Variants in AGAP1 observed in about 807,000 individuals in gnomAD.
The protein encoded by AGAP1 is ArfGAP with GTPase domain, ankyrin repeat and PH domain 1, also known as arf-GAP with GTPase, ANK repeat and PH domain-containing protein 1.
Under a neutral mutation model 105.3 loss-of-function variants are expected in AGAP1, and 29 were observed. The ratio of observed to expected loss-of-function variants is 0.28; its 90% confidence interval spans 0.21 to 0.38. AGAP1 has a LOEUF of 0.38. Among genes scored for constraint, AGAP1 ranks in the 10% least tolerant of loss-of-function variants. The pLI, the probability that AGAP1 is intolerant of heterozygous loss-of-function variation, is 1.00. For missense variants in AGAP1, 998 were observed against 1,165.1 expected (o/e 0.86, Z 2.09); for synonymous variants, 509 against 485.9 (o/e 1.05, Z -0.63).
intron 3 of AGAP1, among the ~76,000 whole-genome samples, chr2:235,738,400 G>C (rs530471760): frequency 3.3e-5 from 5 of 152,078 alleles, no homozygotes; most frequent in South Asian, 4.1e-4. Context: ...GTTGAGTTAC[G>C]TGCTGGAGGT....
In AGAP1 at chr2:235,614,825, G is replaced by A. The variant is rs1946256662; in HGVS notation, c.164-94354G>A. 6.6e-6 allele frequency among the ~76,000 whole-genome samples: 1 copy of A among 152,162 alleles called. No homozygotes were observed. On this transcript the variant is annotated intron_variant, in intron 1 of 17. Coordinates refer to ENST00000304032, the MANE Select transcript of AGAP1 (RefSeq NM_001037131.3). The surrounding 1 kb of genome is among the most constrained non-coding windows in gnomAD (Gnocchi z 4.7). ...TTTCCTGTTTTCTTGGCCTCCTAGG[G>A]AATCAGTTTGATTCTGTGGCTATTA... is the stretch of plus-strand genomic sequence containing the variant.
intron 1 of AGAP1, among the ~76,000 whole-genome samples, chr2:235,698,031 G>C (rs919965785): frequency 2.6e-5 from 4 of 152,162 alleles, no homozygotes; most frequent in Non-Finnish European, 4.4e-5. Context: ...GTGGAAGACA[G>C]TTTTTCCAGG....
chr2:235,677,102 C>T (rs935974652), intron 1 of AGAP1, among the ~76,000 whole-genome samples: 3 of 152,194 alleles, frequency 2.0e-5, no homozygotes, highest in Admixed American at 6.5e-5. Flanking sequence ...CTTGCATTCA[C>T]GTTTGCTAGT....
intron 6 of AGAP1, among the ~76,000 whole-genome samples, chr2:235,771,300 G>A (rs1278646599): frequency 1.3e-5 from 2 of 152,216 alleles, no homozygotes; most frequent in African/African-American, 4.8e-5. Flanking sequence ...GCTTCTGCTG[G>A]GGAGCACGGT....
rs1319079160 is a variant in AGAP1 at position 235,971,336 on chromosome 2, A to G, written c.1645+2713A>G. Among the ~76,000 whole-genome samples the G allele has an allele frequency of 6.6e-6, 1 of 152,242 alleles. No homozygotes were observed. The highest frequency in any genetic ancestry group is 1.5e-5 in the Non-Finnish European group (1 of 68,042). On this transcript the variant is annotated intron_variant, in intron 13 of 17. Transcript: ENST00000304032. The surrounding 1 kb of genome is among the most constrained non-coding windows in gnomAD (Gnocchi z 4.8). ...AACATATCATTGTAGATTCAGTGATATATGATATTTTTGATAGTTTTATTT... is the reference window on the plus strand; with the variant it reads ...AACATATCATTGTAGATTCAGTGATGTATGATATTTTTGATAGTTTTATTT...
chr2:235,707,778 T>C (rs558027345), intron 1 of AGAP1, among the ~76,000 whole-genome samples: 1 of 149,550 alleles, frequency 6.7e-6, no homozygotes, highest in African/African-American at 2.5e-5. Context: ...TGGGATGTGC[T>C]CCCTCCCCAG....
chr2:235,791,883 A>G (rs1956998358), intron 6 of AGAP1, among the ~76,000 whole-genome samples: 1 of 152,154 alleles, frequency 6.6e-6, no homozygotes, highest in Non-Finnish European at 1.5e-5. Flanking sequence ...AGTAAGTGTC[A>G]CCTTTGGGTG....
rs1420710008 is a variant in AGAP1, at chr2:235,957,982, G to C, written c.1484-10480G>C. On this transcript the variant is annotated intron_variant, in intron 12 of 17. Transcript: ENST00000304032. The surrounding 1 kb of genome is among the most constrained non-coding windows in gnomAD (Gnocchi z 4.6). The stretch of plus-strand genomic sequence containing the variant: ...TGCCAAATAGGTAAATTAAGGTGTG[G>C]GTGGAAGTCAGCAGGGGCAGGGGGC... Among the ~76,000 whole-genome samples, 1 of 152,200 alleles carries C rather than the reference G, an allele frequency of 6.6e-6. No homozygotes were observed. The highest frequency in any genetic ancestry group is 1.9e-4 in the East Asian group (1 of 5,206).
intron 1 of AGAP1, among the ~76,000 whole-genome samples, chr2:235,558,906 A>G (rs2149131164): frequency 6.6e-6 from 1 of 152,282 alleles, no homozygotes; most frequent in African/African-American, 2.4e-5. Flanking sequence ...AAGGAAAAAA[A>G]AAGTTCATTA....
chr2:235,678,679 T>C (rs1440881301), intron 1 of AGAP1, among the ~76,000 whole-genome samples: 1 of 152,102 alleles, frequency 6.6e-6, no homozygotes, highest in East Asian at 1.9e-4. Context: ...CTCCCAGGCT[T>C]AAAGGAAGAT....
At position 235,927,797 on chromosome 2, in the gene AGAP1, G is replaced by T. The variant is rs2125135976; in HGVS notation, c.1325-2968G>T. Among the ~76,000 whole-genome samples, 1 of 152,358 alleles carries T rather than the reference G, an allele frequency of 6.6e-6. No homozygotes were observed. The highest frequency in any genetic ancestry group is 1.9e-4 in the East Asian group (1 of 5,186). Reference sequence around the variant, plus strand: ...TCTCCAGGGAGAAGGAGCAAGAGAAGCGGTGCTCTATTGAGTGCCATGTTG... The same window carrying T: ...TCTCCAGGGAGAAGGAGCAAGAGAATCGGTGCTCTATTGAGTGCCATGTTG... On this transcript the variant is annotated intron_variant, in intron 11 of 17. Coordinates refer to ENST00000304032, the MANE Select transcript of AGAP1 (RefSeq NM_001037131.3). The surrounding 1 kb of genome is among the most constrained non-coding windows in gnomAD (Gnocchi z 4.4).
Position 235,832,648 on chromosome 2 carries a change from C to G in AGAP1, c.1050+25317C>G, listed in dbSNP as rs1959569041. ...GAAGTTCTTATGAATGATAATTCTC[C>G]CCATCCTGTGTCAGTGCTAATAACA... On this transcript the variant is annotated intron_variant, in intron 9 of 17. Transcript: ENST00000304032. Among the ~76,000 whole-genome samples, 4 of 152,174 alleles carry G rather than the reference C, an allele frequency of 2.6e-5. No individual in the cohort carries two copies. In the South Asian group the frequency reaches 8.3e-4, roughly 32 times the overall value.
Position 235,992,508 on chromosome 2 carries a change from C to T in AGAP1, c.1645+23885C>T, listed in dbSNP as rs1323954587. The stretch of plus-strand genomic sequence containing the variant: ...TCAGTTCTTATAGACTACAGTATTA[C>T]TCGTGGGAGCCAAATTATGTGCAGT... On this transcript the variant is annotated intron_variant, in intron 13 of 17. Transcript: ENST00000304032. The surrounding 1 kb of genome is among the most constrained non-coding windows in gnomAD (Gnocchi z 4.8). 6.6e-6 allele frequency among the ~76,000 whole-genome samples: 1 copy of T among 152,214 alleles called. No homozygotes were observed. Among genetic ancestry groups the T allele is most frequent in the African/African-American group, 2.4e-5 (1 of 41,462 alleles).
In AGAP1 at chr2:235,957,752, C is replaced by A. The variant is rs1387107701; in HGVS notation, c.1484-10710C>A. 6.6e-6 allele frequency among the ~76,000 whole-genome samples: 1 copy of A among 152,136 alleles called. No individual in the cohort carries two copies. Among genetic ancestry groups the A allele is most frequent in the East Asian group, 1.9e-4 (1 of 5,186 alleles). ...AAGAACAGAGCCCTTATTAAAGATC[C>A]AAATTAGCTTTATATCGTTGGCCGT... On this transcript the variant is annotated intron_variant, in intron 12 of 17. Transcript: ENST00000304032. This position sits in a 1 kb window ranked among gnomAD's most constrained non-coding sequence, Gnocchi z 4.6.
intron 16 of AGAP1, among the ~76,000 whole-genome samples, chr2:236,107,242 C>T (rs2059520776): frequency 6.6e-6 from 1 of 152,128 alleles, no homozygotes. Context: ...CCACAGCCAA[C>T]CATGTCCTTG....
Position 236,035,475 on chromosome 2 carries a change from C to G in AGAP1, c.1646-1086C>G, listed in dbSNP as rs1034606270. On this transcript the variant is annotated intron_variant, in intron 13 of 17. Transcript: ENST00000304032. The surrounding 1 kb of genome is among the most constrained non-coding windows in gnomAD (Gnocchi z 4.2). ...CACCATCTCTACAAAAAATGTCTAA[C>G]AATTGGCCAGGTGTGATGGTACACA... Among the ~76,000 whole-genome samples, 3 of 152,072 alleles carry G rather than the reference C, an allele frequency of 2.0e-5. No homozygotes were observed.
intron 1 of AGAP1, among the ~76,000 whole-genome samples, chr2:235,531,608 CT>C (rs529337320): frequency 1.8e-3 from 245 of 135,256 alleles, no homozygotes; most frequent in East Asian, 2.9e-3. Flanking sequence ...GTAGCTTTGC[CT>C]TTTTTTTTTT....
At chr2:235,832,135 C>T (rs115211368) in intron 9 of AGAP1, among the ~76,000 whole-genome samples, 16 of 152,294 alleles carry the variant, frequency 1.1e-4, no homozygotes, top group African/African-American at 3.6e-4. Flanking sequence ...TTCAGATCTT[C>T]TGCTCATTTT....
chr2:235,823,432 A>G (rs1356264595), intron 9 of AGAP1, among the ~76,000 whole-genome samples: 1 of 152,092 alleles, frequency 6.6e-6, no homozygotes, highest in African/African-American at 2.4e-5. Context: ...CACCACGCCC[A>G]GCTCTAGAGT....
Sources: allele counts gnomAD v4.1 joint callset (sites outside exome capture counted in the v4.1 genomes callset), GRCh38; gene constraint gnomAD v4.1.1; non-coding constraint Gnocchi (gnomAD v3.1); transcripts MANE v1.5; gene names NCBI Gene and HGNC (gene_info 2026-07-23, HGNC 2026-07-21).